Variants in SGCZ observed in about 807,000 individuals in gnomAD.
The protein encoded by SGCZ is sarcoglycan zeta.
SGCZ carries 40 observed loss-of-function variants against 41.3 expected under a neutral mutation model. That is an observed-to-expected ratio of 0.97 (90% CI 0.75 to 1.26). SGCZ has a LOEUF of 1.26. Among genes scored for constraint, SGCZ ranks in the 50% most tolerant of loss-of-function variants. SGCZ has a pLI of 0.00. For missense variants in SGCZ, 552 were observed against 369.8 expected (o/e 1.49, Z -4.04); for synonymous variants, 206 against 137.5 (o/e 1.50, Z -3.49).
At chr8:14,521,694 G>T (rs1486808677) in intron 2 of SGCZ, among the ~76,000 whole-genome samples, 1 of 152,044 alleles carries the variant, frequency 6.6e-6, no homozygotes, top group Non-Finnish European at 1.5e-5. Context: ...TAGTTAGATG[G>T]TTAATTTCAT....
chr8:15,026,096 T>C (rs943876017), intron 1 of SGCZ, among the ~76,000 whole-genome samples: 1 of 151,984 alleles, frequency 6.6e-6, no homozygotes, highest in Non-Finnish European at 1.5e-5. Flanking sequence ...TACTTTGACT[T>C]CCATAGTATT....
intron 1 of SGCZ, among the ~76,000 whole-genome samples, chr8:14,730,635 T>G (rs1389014702): frequency 6.7e-6 from 1 of 149,728 alleles, no homozygotes; most frequent in Non-Finnish European, 1.5e-5. Flanking sequence ...ACATGGATGT[T>G]CGGAACTGAA....
chr8:14,722,354 C>A (rs1178977836), intron 1 of SGCZ, among the ~76,000 whole-genome samples: 1 of 151,984 alleles, frequency 6.6e-6, no homozygotes, highest in Non-Finnish European at 1.5e-5. Flanking sequence ...TTTTCAAAAG[C>A]ATGTATTCCT....
chr8:14,564,624 A>C (rs1462646036), intron 1 of SGCZ, among the ~76,000 whole-genome samples: 1 of 152,226 alleles, frequency 6.6e-6, no homozygotes, highest in Non-Finnish European at 1.5e-5. Flanking sequence ...CCCCTTAGCT[A>C]GTGATCCCCT....
At chr8:14,210,084 G>C (rs937562345) in intron 4 of SGCZ, among the ~76,000 whole-genome samples, 2 of 152,072 alleles carry the variant, frequency 1.3e-5, no homozygotes, top group Non-Finnish European at 2.9e-5. Flanking sequence ...TTGAGACAGG[G>C]TCTCACTCTG....
intron 1 of SGCZ, among the ~76,000 whole-genome samples, chr8:14,944,345 C>G (rs1473841919): frequency 6.6e-6 from 1 of 152,126 alleles, no homozygotes; most frequent in African/African-American, 2.4e-5. Flanking sequence ...TTTGAATAAC[C>G]AGTGTCCTGA....
intron 5 of SGCZ, among the ~76,000 whole-genome samples, chr8:14,128,708 TATATAC>T (rs1802941428): frequency 6.6e-6 from 1 of 151,836 alleles, no homozygotes; most frequent in Non-Finnish European, 1.5e-5. Flanking sequence ...TGTGTGTGTA[TATATAC>T]ATATACACAC....
chr8:14,870,308 C>T (rs566828351), intron 1 of SGCZ, among the ~76,000 whole-genome samples: 101 of 151,762 alleles, frequency 6.7e-4, no homozygotes, highest in African/African-American at 2.1e-3. Context: ...CTGGCCAACG[C>T]GGTGAAACCC....
At chr8:14,791,710 G>A (rs1800960199) in intron 1 of SGCZ, among the ~76,000 whole-genome samples, 1 of 152,136 alleles carries the variant, frequency 6.6e-6, no homozygotes, top group Non-Finnish European at 1.5e-5. Flanking sequence ...AGAATATTAT[G>A]TGCATTATTG....
chr8:14,937,266 ATTT>A (rs386722700), intron 1 of SGCZ, among the ~76,000 whole-genome samples: 21 of 151,844 alleles, frequency 1.4e-4, no homozygotes, highest in African/African-American at 5.1e-4. Flanking sequence ...AAAATGTTGC[ATTT>A]AATTTGACAA....
chr8:14,610,356 G>C (rs145480960), intron 1 of SGCZ, among the ~76,000 whole-genome samples: 1 of 152,154 alleles, frequency 6.6e-6, no homozygotes, highest in South Asian at 2.1e-4. Flanking sequence ...CTTTGATGGA[G>C]AGTCAGAACT....
chr8:14,788,727 C>G (rs189712120), intron 1 of SGCZ, among the ~76,000 whole-genome samples: 1 of 152,280 alleles, frequency 6.6e-6, no homozygotes, highest in East Asian at 1.9e-4. Flanking sequence ...CAAGCATTAG[C>G]AAATACCGAA....
chr8:14,256,391 C>T (rs540345488), intron 3 of SGCZ, among the ~76,000 whole-genome samples: 1 of 152,124 alleles, frequency 6.6e-6, no homozygotes, highest in East Asian at 1.9e-4. Context: ...AATGGAAGAT[C>T]CCTAGATGGA....
chr8:15,014,063 G>A (rs191925977), intron 1 of SGCZ, among the ~76,000 whole-genome samples: 13 of 152,290 alleles, frequency 8.5e-5, no homozygotes, highest in Admixed American at 7.2e-4. Context: ...AATAATAAAT[G>A]CTGTTTGTTT....
chr8:14,242,131 C>G (rs1368317003), intron 3 of SGCZ, among the ~76,000 whole-genome samples: 3 of 150,120 alleles, frequency 2.0e-5, no homozygotes, highest in Non-Finnish European at 4.4e-5. Flanking sequence ...CAGGAACAGG[C>G]TGGTGTGACA....
At chr8:14,209,478 C>T (rs1805726603) in intron 4 of SGCZ, among the ~76,000 whole-genome samples, 1 of 152,044 alleles carries the variant, frequency 6.6e-6, no homozygotes, top group Non-Finnish European at 1.5e-5. Flanking sequence ...ATGATAATTA[C>T]AGATCAGGAG....
intron 2 of SGCZ, among the ~76,000 whole-genome samples, chr8:14,457,380 G>T (rs4831590): frequency 1.3e-5 from 2 of 152,176 alleles, no homozygotes; most frequent in African/African-American, 2.4e-5. Flanking sequence ...ATGGTCCAGC[G>T]GTAGCAAAAG....
chr8:14,187,119 G>T (rs923315908), intron 4 of SGCZ, among the ~76,000 whole-genome samples: 1 of 152,168 alleles, frequency 6.6e-6, no homozygotes, highest in African/African-American at 2.4e-5. Flanking sequence ...TGTACCCTCT[G>T]AGGAACTGTG....
chr8:14,672,560 A>C (rs576815572), intron 1 of SGCZ, among the ~76,000 whole-genome samples: 10 of 152,206 alleles, frequency 6.6e-5, no homozygotes, highest in Non-Finnish European at 1.0e-4. Flanking sequence ...GTAGCCACCT[A>C]CAGTAGGTGC....
Sources: allele counts gnomAD v4.1 joint callset (sites outside exome capture counted in the v4.1 genomes callset), GRCh38; gene constraint gnomAD v4.1.1; transcripts MANE v1.5; gene names NCBI Gene and HGNC (gene_info 2026-07-23, HGNC 2026-07-21).